The following AHRR variants were observed in gnomAD, a reference collection of about 807,000 sequenced individuals.
AHRR encodes ahR repressor.
AHRR carries 28 observed loss-of-function variants against 44.0 expected under a neutral mutation model. That is an observed-to-expected ratio of 0.64 (90% confidence interval 0.47 to 0.87). The LOEUF is 0.87. AHRR is among the 40% of genes least tolerant of loss of function. AHRR has a pLI of 0.00. For synonymous variants in AHRR, 434 were observed against 407.0 expected, an observed-to-expected ratio of 1.07 and a Z score of -0.80; for missense variants, 990 against 953.9, an observed-to-expected ratio of 1.04 and a Z score of -0.50.
chr5:334,256 C>G (rs142085800), intron 1 of AHRR, among the ~76,000 whole-genome samples: 171 of 152,254 alleles, frequency 1.1e-3, no homozygotes, highest in Admixed American at 2.1e-3. Context: ...ATGCTTAGAT[C>G]TCTTGCTAAA....
intron 2 of AHRR, among the ~76,000 whole-genome samples, chr5:345,280 GTGTCGGATGATGTCCCTGGC>G (rs1742599513): frequency 1.4e-5 from 2 of 140,120 alleles, no homozygotes; most frequent in African/African-American, 6.1e-5. Flanking sequence ...GTGGGTGTGT[GTGTCGGATGATGTCCCTGGC>G]TGTGTGTGGG....
intron 4 of AHRR, among the ~76,000 whole-genome samples, chr5:381,609 G>A (rs777053633): frequency 3.0e-5 from 4 of 131,510 alleles, no homozygotes; most frequent in Non-Finnish European, 6.2e-5. Context: ...TCTGCCTCCC[G>A]GGATCAAGCA....
intron 3 of AHRR, among the ~76,000 whole-genome samples, chr5:371,163 C>A (rs1183571653): frequency 1.3e-5 from 2 of 152,182 alleles, no homozygotes; most frequent in Non-Finnish European, 2.9e-5. Flanking sequence ...AGGGGTGACT[C>A]CTCCTGTCTA....
rs1357298679 is a variant in AHRR at position 370,284 on chromosome 5, T to C, written c.245-6326T>C. 6.6e-6 allele frequency among the ~76,000 whole-genome samples: 1 copy of C among 152,114 alleles called. No homozygotes were observed. Among genetic ancestry groups the C allele is most frequent in the Non-Finnish European group, 1.5e-5 (1 of 68,024 alleles). On this transcript the variant is annotated intron_variant, in intron 3 of 10. Coordinates refer to ENST00000684583, the MANE Select transcript of AHRR (RefSeq NM_001377236.1). This position sits in a 1 kb window ranked among gnomAD's most constrained non-coding sequence, Gnocchi z 4.5. ...CCTCCTGGGCCCTCGCTGGAAGCTC[T>C]GCTCATTTACTCCCCGTGTTACGGT...
chr5:401,461 C>T (rs1560909358), intron 4 of AHRR, among the ~76,000 whole-genome samples: 1 of 152,266 alleles, frequency 6.6e-6, no homozygotes, highest in Non-Finnish European at 1.5e-5. Flanking sequence ...CACAAAGTCC[C>T]TGACCTCCAT....
intron 5 of AHRR, chr5:421,381 A>T: frequency 1.6e-6 from 1 of 614,422 alleles, no homozygotes; most frequent in Non-Finnish European, 2.9e-6. Flanking sequence ...GCACAGTACC[A>T]GCCCCCACAC....
At chr5:329,965 C>G (rs1741854967) in intron 1 of AHRR, among the ~76,000 whole-genome samples, 1 of 152,148 alleles carries the variant, frequency 6.6e-6, no homozygotes, top group African/African-American at 2.4e-5. Context: ...TGTACTTTCT[C>G]CTGCCTGATC....
chr5:366,808 C>T (rs747310086), intron 3 of AHRR, among the ~76,000 whole-genome samples: 6 of 152,084 alleles, frequency 3.9e-5, no homozygotes, highest in Non-Finnish European at 5.9e-5. Flanking sequence ...GGTCTAATCA[C>T]GAGGAAACAC....
In AHRR at chr5:437,427, T is replaced by C. The variant is rs56104584; in HGVS notation, c.*2593T>C. The C allele has an allele frequency of 0.26, 40,343 of 152,334 alleles. 6,966 individuals carry two copies. The highest frequency in any genetic ancestry group is 0.39 in the Non-Finnish European group (26,452 of 67,978). 9.4% of individuals were successfully genotyped at this position (152,334 alleles called of 1,614,324 possible). On this transcript the variant is annotated 3_prime_UTR_variant, in exon 11 of 11. Transcript: ENST00000684583. ...CTGAGAGTCTTGTGTATCACATGTC[T>C]TGAGTGTCCTGGAGCCAACGGCTGT...
At chr5:350,819 C>T (rs2126387621) in intron 2 of AHRR, among the ~76,000 whole-genome samples, 1 of 141,904 alleles carries the variant, frequency 7.0e-6, no homozygotes, top group East Asian at 2.0e-4. Context: ...AAAGATAAGA[C>T]AAAGAATGGG....
At chr5:344,479 C>CGG (rs1742508720) in intron 2 of AHRR, among the ~76,000 whole-genome samples, 1 of 6,246 alleles carries the variant, frequency 1.6e-4, no homozygotes. Context: ...GCTGTGTGTG[C>CGG]GCGGGGGGAG....
chr5:386,707 A>G (rs192883415), intron 4 of AHRR, among the ~76,000 whole-genome samples: 2 of 152,328 alleles, frequency 1.3e-5, no homozygotes, highest in East Asian at 3.9e-4. Flanking sequence ...GTGTTGTTGG[A>G]AGCCATGAGT....
chr5:402,395 C>T (rs538183074), intron 4 of AHRR, among the ~76,000 whole-genome samples: 9 of 140,284 alleles, frequency 6.4e-5, no homozygotes, highest in South Asian at 2.4e-4. Flanking sequence ...GCACTGTTGG[C>T]GGGAAGGCAG....
chr5:386,554 G>A lies in AHRR; in HGVS notation c.351+9838G>A, dbSNP rs543933519. On this transcript the variant is annotated intron_variant, in intron 4 of 10. Transcript: ENST00000684583. Reference sequence around the variant, plus strand: ...TTGGCCCTGAGCCAAGGTGTGGAGCGCAGGCAGCCTCTTGAAGCTGGGAAA... The same window carrying A: ...TTGGCCCTGAGCCAAGGTGTGGAGCACAGGCAGCCTCTTGAAGCTGGGAAA... 4.0e-4 allele frequency among the ~76,000 whole-genome samples: 61 copies of A among 152,342 alleles called. 1 individual carries two copies. The highest frequency in any genetic ancestry group is 1.6e-3 in the Admixed American group (25 of 15,302).
chr5:401,705 C>T (rs544061522), intron 4 of AHRR, among the ~76,000 whole-genome samples: 61 of 152,316 alleles, frequency 4.0e-4, no homozygotes, highest in Non-Finnish European at 7.6e-4. Context: ...TAACCCTCGC[C>T]GCAGCTTCTG....
At chr5:389,959 A>C (rs1261694814) in intron 4 of AHRR, among the ~76,000 whole-genome samples, 2 of 133,866 alleles carry the variant, frequency 1.5e-5, no homozygotes, top group Non-Finnish European at 3.2e-5. Flanking sequence ...GGGGGAGGGG[A>C]GACAGGACAG....
intron 1 of AHRR, among the ~76,000 whole-genome samples, chr5:341,956 C>T (rs752009829): frequency 2.0e-5 from 3 of 152,148 alleles, no homozygotes; most frequent in Non-Finnish European, 4.4e-5. Context: ...ATCAAAGAGG[C>T]ATCTTTGATC....
intron 4 of AHRR, among the ~76,000 whole-genome samples, chr5:394,848 C>T (rs539824586): frequency 6.6e-6 from 1 of 152,296 alleles, no homozygotes; most frequent in African/African-American, 2.4e-5. Context: ...GAAGGGAGCA[C>T]CGTGGGAGGG....
intron 2 of AHRR, among the ~76,000 whole-genome samples, chr5:344,385 T>G: frequency 7.9e-6 from 1 of 126,492 alleles, no homozygotes. Context: ...CGAGGCTGTG[T>G]GTCTGCGGGT....
Sources: gnomAD v4.1 joint callset for allele counts (sites outside exome capture counted in the v4.1 genomes callset) on GRCh38, gnomAD v4.1.1 for gene constraint, Gnocchi (gnomAD v3.1) non-coding constraint, MANE v1.5 for transcripts, NCBI Gene and HGNC (gene_info 2026-07-23, HGNC 2026-07-21) for gene names.